Variants in ATP1A1 observed in about 807,000 individuals in gnomAD.
ATP1A1 encodes the protein sodium/potassium-transporting ATPase subunit alpha-1.
Under a neutral mutation model 114.8 loss-of-function variants are expected in ATP1A1, and 14 were observed. The ratio of observed to expected loss-of-function variants is 0.12; its 90% CI spans 0.08 to 0.19. The LOEUF is 0.19. ATP1A1 is among the 10% of genes least tolerant of loss of function. ATP1A1 has a pLI of 1.00. For missense variants in ATP1A1, 524 were observed against 1,290.7 expected (o/e 0.41, Z 9.10); for synonymous variants, 471 against 466.3 (o/e 1.01, Z -0.13).
chr1:116,379,594 G>C (rs903923752), intron 1 of ATP1A1, among the ~76,000 whole-genome samples: 2 of 152,138 alleles, frequency 1.3e-5, no homozygotes, highest in Non-Finnish European at 2.9e-5. Flanking sequence ...TTTTCTTTAA[G>C]TTTTCACTGT....
chr1:116,387,488 T>C lies in ATP1A1; in HGVS notation c.384T>C (p.Asp128=), dbSNP rs1652177566. 1 of 1,614,192 alleles carries C rather than the reference T, an allele frequency of 6.2e-7. No homozygotes were observed. The highest frequency in any genetic ancestry group is 8.5e-7 in the Non-Finnish European group (1 of 1,180,006). The change falls in exon 4 of 23, where the codon GAT becomes GAC. Residue 128 remains aspartate, a synonymous_variant. Coordinates refer to ENST00000295598, the MANE Select transcript of ATP1A1 (RefSeq NM_000701.8). The surrounding 1 kb of genome is among the most constrained non-coding windows in gnomAD (Gnocchi z 6.7). ...CTACAGAAGAGGAACCTCAAAACGA[T>C]AATGTGAGTTCTGTAATTCAGCATA... is the stretch of plus-strand genomic sequence containing the variant. ...QAATEEEPQN[D]NLYLGVVLSA...
chr1:116,393,564 C>T lies in ATP1A1; in HGVS notation c.1501C>T (p.Pro501Ser). The T allele has an allele frequency of 6.2e-7, 1 of 1,614,020 alleles. No homozygotes were observed. Residue 501 changes from proline to serine, a missense_variant, in exon 12 of 23, where the codon CCC (proline) becomes TCC (serine). Transcript: ENST00000295598. The surrounding 1 kb of genome is among the most constrained non-coding windows in gnomAD (Gnocchi z 5.0). The part of the protein sequence containing the change: ...SIHKNPNTSE[P>S]QHLLVMKGAP... Reference sequence around the variant, plus strand: ...TCATAAGAACCCCAACACATCGGAGCCCCAACACCTGTTGGTGATGAAGGG... The same window carrying T: ...TCATAAGAACCCCAACACATCGGAGTCCCAACACCTGTTGGTGATGAAGGG...
In ATP1A1 at chr1:116,393,559, C is replaced by T. The variant is rs141400264; in HGVS notation, c.1496C>T (p.Ser499Leu). The part of the protein sequence containing the change: ...QLSIHKNPNT[S>L]EPQHLLVMKG... ...TCTATTCATAAGAACCCCAACACAT[C>T]GGAGCCCCAACACCTGTTGGTGATG... The change falls in exon 12 of 23, where the codon TCG becomes TTG. Residue 499 changes from serine (S) to leucine (L), a missense_variant. Ser to Leu is a moderately radical substitution (Grantham distance 145). This residue lies in a region of ATP1A1 where 143 missense variants were observed against 259.3 expected (regional missense o/e 0.55). Transcript: ENST00000295598. The surrounding 1 kb of genome is among the most constrained non-coding windows in gnomAD (Gnocchi z 5.0). 3.4e-5 allele frequency: 55 copies of T among 1,613,910 alleles called. 2 individuals are homozygous for T. In the South Asian group the frequency reaches 3.6e-4, roughly 11 times the overall value.
chr1:116,388,399 C>A lies in ATP1A1; in HGVS notation c.501+155C>A. On this transcript the variant is annotated intron_variant, in intron 5 of 22. Coordinates refer to ENST00000295598, the MANE Select transcript of ATP1A1 (RefSeq NM_000701.8). The surrounding 1 kb of genome is among the most constrained non-coding windows in gnomAD (Gnocchi z 5.6). ...CACCCAAAACCAACCTATTTTCCTT[C>A]TATCCAAAAAGTGGTAGCCTTTCTT... is the stretch of plus-strand genomic sequence containing the variant. 1 of 952,538 alleles carries A rather than the reference C, an allele frequency of 1.0e-6. No homozygotes were observed. The highest frequency in any genetic ancestry group is 1.6e-6 in the Non-Finnish European group (1 of 642,274). 59.0% of individuals were successfully genotyped at this position (952,538 alleles called of 1,614,324 possible). A position where few individuals can be genotyped will look rare whatever the true frequency, so the allele number is the denominator to read the frequency against.
At chr1:116,392,332 T>C (rs1319364520) in intron 10 of ATP1A1, 1 of 152,348 alleles carries the variant, frequency 6.6e-6, no homozygotes, top group African/African-American at 2.4e-5. Context: ...ACAGTTATGA[T>C]TAGAATGCAC....
chr1:116,397,798 G>A lies in ATP1A1; in HGVS notation c.1974-90G>A, dbSNP rs1653057435. ...TCCTTCTTTGTTTTGTTTACAAAGTGATCTGCATAAGAATATCCCCTCTTG... is the reference window on the plus strand; with the variant it reads ...TCCTTCTTTGTTTTGTTTACAAAGTAATCTGCATAAGAATATCCCCTCTTG... On this transcript the variant is annotated intron_variant, in intron 14 of 22. Coordinates refer to ENST00000295598, the MANE Select transcript of ATP1A1 (RefSeq NM_000701.8). The surrounding 1 kb of genome is among the most constrained non-coding windows in gnomAD (Gnocchi z 4.2). 2.1e-6 allele frequency: 3 copies of A among 1,448,710 alleles called. No homozygotes were observed. The African/African-American group carries it at 4.3e-5, about 21-fold the overall frequency. The allele number at this position is 1,448,710 out of a possible 1,614,324, so 89.7% of individuals were successfully genotyped here.
At position 116,399,367 on chromosome 1, in the gene ATP1A1, T is replaced by C. The variant is rs563915526; in HGVS notation, c.2449-53T>C. On this transcript the variant is annotated intron_variant, in intron 17 of 22. Coordinates refer to ENST00000295598, the MANE Select transcript of ATP1A1 (RefSeq NM_000701.8). This position sits in a 1 kb window ranked among gnomAD's most constrained non-coding sequence, Gnocchi z 5.0. ...GAATTTTATAACAAAAGGTTCACAA[T>C]ATTAGCTTCCTTATTTTTAGTAACT... 3.8e-6 allele frequency: 6 copies of C among 1,592,340 alleles called. No homozygotes were observed. The highest frequency in any genetic ancestry group is 2.7e-5 in the African/African-American group (2 of 74,002).
intron 1 of ATP1A1, chr1:116,374,200 C>A (rs755822194): frequency 6.4e-6 from 10 of 1,550,858 alleles, no homozygotes; most frequent in Middle Eastern, 1.9e-4. Flanking sequence ...CGGGCTGGTG[C>A]CAGAAAGGGT....
rs942460524 is a variant in ATP1A1 at position 116,392,719 on chromosome 1, C to T, written c.1333-135C>T. 1.5e-5 allele frequency: 16 copies of T among 1,087,128 alleles called. 1 individual carries two copies. Among genetic ancestry groups the T allele is most frequent in the Admixed American group, 1.0e-4 (4 of 38,316 alleles). The allele number at this position is 1,087,128 out of a possible 1,614,324, so 67.3% of individuals were successfully genotyped here. ...GAGGGACTCCTGTCCCACTTAACACCGCTGCTTCCTTCTTGCCCATCCTCT... is the reference window on the plus strand; with the variant it reads ...GAGGGACTCCTGTCCCACTTAACACTGCTGCTTCCTTCTTGCCCATCCTCT... On this transcript the variant is annotated intron_variant, in intron 10 of 22. Transcript: ENST00000295598.
chr1:116,390,536 G>GTTTTTTTTTTTTT (rs79640523), intron 9 of ATP1A1, 125 bp downstream of exon 9: 1 of 583,588 alleles, frequency 1.7e-6, no homozygotes, highest in African/African-American at 2.2e-5. Context: ...TTTCTTTTTT[G>GTTTTTTTTTTTTT]TTTTTTTTTT....
Position 116,373,386 on chromosome 1 carries a change from CGCG to C in ATP1A1, c.-123_-121del. On this transcript the variant is annotated 5_prime_UTR_variant, in exon 1 of 23. Transcript: ENST00000295598. ...CGGCCGCCCTCCCACCCTCCCGCCCCGCGGCAGCCCTAGCTCCCTCCACTTGGC... is the reference window on the plus strand; with the variant it reads ...CGGCCGCCCTCCCACCCTCCCGCCCCGCAGCCCTAGCTCCCTCCACTTGGC... 4 of 762,370 alleles carry C rather than the reference CGCG, an allele frequency of 5.2e-6. No individual in the cohort carries two copies. Among genetic ancestry groups the C allele is most frequent in the Non-Finnish European group, 7.4e-6 (4 of 537,436 alleles). The allele number at this position is 762,370 out of a possible 1,614,324, so 47.2% of individuals were successfully genotyped here.
chr1:116,400,361 G>T (rs908436107), intron 18 of ATP1A1, among the ~76,000 whole-genome samples: 3 of 152,170 alleles, frequency 2.0e-5, no homozygotes, highest in African/African-American at 7.2e-5. Context: ...ATGAAACCCT[G>T]CCCTGAGGAA....
In ATP1A1 at chr1:116,404,660, C is replaced by CG. The variant is rs141524383; in HGVS notation, c.*220dup. ...AACCATCCATCTGTGGAAATGACAG[C>CG]GGGGAAGGTTTTTATGTGCCTTTTT... On this transcript the variant is annotated 3_prime_UTR_variant, in exon 23 of 23. Transcript: ENST00000295598. The surrounding 1 kb of genome is among the most constrained non-coding windows in gnomAD (Gnocchi z 4.8). 2,025 of 1,290,960 alleles carry CG rather than the reference C, an allele frequency of 1.6e-3. 2 individuals carry two copies. Among genetic ancestry groups the CG allele is most frequent in the Non-Finnish European group, 1.9e-3 (1,917 of 1,023,480 alleles). The allele number at this position is 1,290,960 out of a possible 1,614,324, so 80.0% of individuals were successfully genotyped here. A position where few individuals can be genotyped will look rare whatever the true frequency, so the allele number is the denominator to read the frequency against.
intron 1 of ATP1A1, among the ~76,000 whole-genome samples, chr1:116,379,265 C>T (rs553392183): frequency 6.6e-6 from 1 of 152,124 alleles, no homozygotes; most frequent in South Asian, 2.1e-4. Context: ...ACTGGGCTCA[C>T]AAAGGGATCT....
chr1:116,380,825 G>A (rs776120751), intron 1 of ATP1A1, among the ~76,000 whole-genome samples: 7 of 152,110 alleles, frequency 4.6e-5, no homozygotes, highest in Non-Finnish European at 7.3e-5. Context: ...TAGAATCCAT[G>A]GGAAGCACAG....
At chr1:116,390,742 A>C in intron 9 of ATP1A1, 40 bp from the exon 10 acceptor site, 20 of 1,458,728 alleles carry the variant, frequency 1.4e-5, no homozygotes, top group Non-Finnish European at 1.6e-5. Context: ...CTTTGAAGTT[A>C]ATGCATTGTT....
intron 9 of ATP1A1, 24 bp downstream of exon 9, chr1:116,390,435 C>T: frequency 1.3e-6 from 2 of 1,594,418 alleles, no homozygotes; most frequent in Non-Finnish European, 1.7e-6. Flanking sequence ...TACCACACAC[C>T]TCAGCCACCT....
chr1:116,383,310 T>TAAAA, intron 1 of ATP1A1: 3 of 1,071,726 alleles, frequency 2.8e-6, no homozygotes, highest in Non-Finnish European at 2.3e-6. Context: ...GCTGACTTTT[T>TAAAA]AATATGGGAA....
chr1:116,400,911 G>C lies in ATP1A1; in HGVS notation c.2623G>C (p.Glu875Gln). The C allele has an allele frequency of 6.2e-7, 1 of 1,614,206 alleles. No individual in the cohort carries two copies. The change falls in exon 19 of 23, where the codon GAG becomes CAG. Residue 875 changes from glutamate to glutamine, a missense_variant. Transcript: ENST00000295598. ...CTTTACTTACTTTGTGATTCTGGCT[G>C]AGAACGGCTTCCTCCCAATTCACCT... ...GFFTYFVILA[E>Q]NGFLPIHLLG... is the part of the protein sequence containing the mutation.
Sources: gnomAD v4.1 joint callset for allele counts (sites outside exome capture counted in the v4.1 genomes callset) on GRCh38, gnomAD v4.1.1 for gene constraint, gnomAD v4.1.1 regional missense constraint, Gnocchi (gnomAD v3.1) non-coding constraint, MANE v1.5 for transcripts, NCBI Gene and HGNC (gene_info 2026-07-23, HGNC 2026-07-21) for gene names.